Variants in ITPRID2 observed in about 807,000 individuals in gnomAD.
The protein encoded by ITPRID2 is protein ITPRID2.
A neutral mutation model predicts 124.3 loss-of-function variants in ITPRID2; 60 were observed. That is an observed-to-expected ratio of 0.48 (90% CI 0.39 to 0.60). The LOEUF is 0.60. Among genes scored for constraint, ITPRID2 ranks in the 20% least tolerant of loss-of-function variants. The probability of loss-of-function intolerance (pLI) is 0.00; values close to 1 mark genes in which losing one functional copy is unlikely to be tolerated. For synonymous variants in ITPRID2, 521 were observed against 542.9 expected (o/e 0.96, Z 0.56); for missense variants, 1,553 against 1,512.2 (o/e 1.03, Z -0.45).
intron 9 of ITPRID2, among the ~76,000 whole-genome samples, chr2:181,911,073 A>T (rs1333746568): frequency 6.6e-6 from 1 of 152,210 alleles, no homozygotes; most frequent in African/African-American, 2.4e-5. Flanking sequence ...TCCCTGTAGT[A>T]GGAATGATTA....
Position 181,915,274 on chromosome 2 carries a change from C to T in ITPRID2, c.1634C>T (p.Thr545Ile), listed in dbSNP as rs1693938822. The change falls in exon 11 of 18, where the codon ACA becomes ATA. Residue 545 changes from threonine to isoleucine, a missense_variant. Physicochemically the swap from Thr to Ile is moderately conservative, Grantham distance 89 (BLOSUM62 -1). Transcript: ENST00000431877. ...SSADSCDSETTVTSLGEDLAT... is the reference protein window; with the variant it reads ...SSADSCDSETIVTSLGEDLAT... Reference sequence around the variant, plus strand: ...GCTGATAGTTGTGACAGTGAGACAACAGTTACGTCACTTGGTGAAGACCTT... The same window carrying T: ...GCTGATAGTTGTGACAGTGAGACAATAGTTACGTCACTTGGTGAAGACCTT... 2 of 1,614,030 alleles carry T rather than the reference C, an allele frequency of 1.2e-6. No homozygotes were observed. The highest frequency in any genetic ancestry group is 2.2e-5 in the South Asian group (2 of 91,090).
intron 2 of ITPRID2, chr2:181,893,723 G>A (rs917174619): frequency 6.6e-5 from 10 of 152,052 alleles, no homozygotes; most frequent in African/African-American, 2.4e-4. Flanking sequence ...GAAGTCCTTG[G>A]ACCCCAGATT....
At chr2:181,917,035 T>G in intron 11 of ITPRID2, 1 of 980,158 alleles carries the variant, frequency 1.0e-6, no homozygotes, top group Non-Finnish European at 1.2e-6. Flanking sequence ...TAAAATGCTC[T>G]GTATGTCTTG....
chr2:181,892,470 C>A lies in ITPRID2; in HGVS notation c.212-145C>A. On this transcript the variant is annotated intron_variant, in intron 1 of 17. Transcript: ENST00000431877. This position sits in a 1 kb window ranked among gnomAD's most constrained non-coding sequence, Gnocchi z 5.2. ...GTCAACACAGACAACTGGGTGCCAT[C>A]CGATTTCCCTGCCAAGGGACACTGA... 2 of 1,205,944 alleles carry A rather than the reference C, an allele frequency of 1.7e-6. No homozygotes were observed. Among genetic ancestry groups the A allele is most frequent in the Non-Finnish European group, 2.4e-6 (2 of 841,392 alleles). 74.7% of individuals were successfully genotyped at this position (1,205,944 alleles called of 1,614,324 possible).
intron 11 of ITPRID2, chr2:181,916,875 T>A: frequency 1.0e-6 from 1 of 1,000,534 alleles, no homozygotes; most frequent in Non-Finnish European, 1.2e-6. Context: ...CACGTTCTCC[T>A]GGTTCTGCTC....
chr2:181,930,058 T>C lies in ITPRID2; in HGVS notation c.*511T>C, dbSNP rs1353755198. On this transcript the variant is annotated 3_prime_UTR_variant, in exon 18 of 18. Transcript: ENST00000431877. ...TCTGTTGTAAAAAATATAATTGCTC[T>C]TAATTCTTGGGGAGGTTACTAATAG... 6.5e-6 allele frequency: 1 copy of C among 153,604 alleles called. No individual in the cohort carries two copies. The highest frequency in any genetic ancestry group is 1.9e-4 in the East Asian group (1 of 5,222). 9.5% of individuals were successfully genotyped at this position (153,604 alleles called of 1,614,324 possible).
intron 11 of ITPRID2, chr2:181,917,926 C>T (rs569922591): frequency 6.6e-6 from 1 of 152,206 alleles, no homozygotes; most frequent in Non-Finnish European, 1.5e-5. Flanking sequence ...GGACTATAAG[C>T]CACTTTTTTT....
At position 181,916,255 on chromosome 2, in the gene ITPRID2, A is replaced by G. The variant is rs552496550; in HGVS notation, c.2615A>G (p.Asn872Ser). The change falls in exon 11 of 18, where the codon AAC becomes AGC. Residue 872 changes from asparagine to serine, a missense_variant. Coordinates refer to ENST00000431877, the MANE Select transcript of ITPRID2 (RefSeq NM_001130445.3). Reference protein sequence around the residue: ...TRTLSTHSVPNISGATCSAFA... With the variant: ...TRTLSTHSVPSISGATCSAFA... ...ACTCTGAGCACTCACAGTGTTCCCA[A>G]CATATCAGGGGCTACTTGTAGTGCC... 123 of 1,614,142 alleles carry G rather than the reference A, an allele frequency of 7.6e-5. 1 individual carries two copies. The South Asian group carries it at 1.1e-3, about 14-fold the overall frequency.
chr2:181,893,692 A>T (rs934530047), intron 2 of ITPRID2: 1 of 152,236 alleles, frequency 6.6e-6, no homozygotes, highest in East Asian at 1.9e-4. Flanking sequence ...TTAAAGATGC[A>T]CAGAGGCAAA....
At position 181,907,733 on chromosome 2, in the gene ITPRID2, G is replaced by A. The variant is rs578146604; in HGVS notation, c.1414-2166G>A. Reference sequence around the variant, plus strand: ...GTACCCCATCTCAAATTTGACTGCCGCCTTTTGCACAATTGTGACCAATAA... The same window carrying A: ...GTACCCCATCTCAAATTTGACTGCCACCTTTTGCACAATTGTGACCAATAA... On this transcript the variant is annotated intron_variant, in intron 8 of 17. Coordinates refer to ENST00000431877, the MANE Select transcript of ITPRID2 (RefSeq NM_001130445.3). This position sits in a 1 kb window ranked among gnomAD's most constrained non-coding sequence, Gnocchi z 5.1. Among the ~76,000 whole-genome samples the A allele has an allele frequency of 1.4e-4, 21 of 152,078 alleles. No homozygotes were observed. The South Asian group carries it at 3.9e-3, about 29-fold the overall frequency.
Position 181,922,029 on chromosome 2 carries a change from C to T in ITPRID2, c.3292C>T (p.Pro1098Ser), listed in dbSNP as rs1337179705. The T allele has an allele frequency of 5.0e-6, 8 of 1,614,168 alleles. No homozygotes were observed. Among genetic ancestry groups the T allele is most frequent in the Non-Finnish European group, 6.8e-6 (8 of 1,180,030 alleles). The change falls in exon 16 of 18, where the codon CCT becomes TCT. Residue 1098 changes from proline (P) to serine (S), a missense_variant. Pro to Ser is a moderately conservative substitution (Grantham distance 74, BLOSUM62 -1). Coordinates refer to ENST00000431877, the MANE Select transcript of ITPRID2 (RefSeq NM_001130445.3). ...GLGEMGFEIP[P>S]GESSESVFSQ... ...TGGAGAAATGGGATTTGAAATTCCT[C>T]CTGGAGAAAGCTCAGAATCTGTTTT...
rs763603574 is a variant in ITPRID2 at position 181,920,561 on chromosome 2, CACATAT to C, written c.3145-28_3145-23del. 1.7e-4 allele frequency: 251 copies of C among 1,439,796 alleles called. 1 individual carries two copies. Among genetic ancestry groups the C allele is most frequent in the Non-Finnish European group, 2.3e-4 (232 of 1,025,736 alleles). 89.2% of individuals were successfully genotyped at this position (1,439,796 alleles called of 1,614,324 possible). On this transcript the variant is annotated intron_variant, in intron 14 of 17. Transcript: ENST00000431877. ...ATATGCATGTATGTATATATACACA[CACATAT>C]ACATATATATATTGTTCTTACCTTT...
chr2:181,901,479 A>G (rs936085975), intron 7 of ITPRID2, among the ~76,000 whole-genome samples: 2 of 152,194 alleles, frequency 1.3e-5, no homozygotes, highest in African/African-American at 4.8e-5. Flanking sequence ...TCACAACTGT[A>G]GATTCAATAG....
intron 16 of ITPRID2, among the ~76,000 whole-genome samples, chr2:181,924,349 T>C (rs2125112877): frequency 6.6e-6 from 1 of 152,372 alleles, no homozygotes; most frequent in Middle Eastern, 3.4e-3. Context: ...AAATTTAGTT[T>C]GGTTTTTATT....
chr2:181,926,805 T>C (rs911651545), intron 16 of ITPRID2, among the ~76,000 whole-genome samples: 1 of 152,152 alleles, frequency 6.6e-6, no homozygotes, highest in African/African-American at 2.4e-5. Context: ...CATATTGCAT[T>C]GGTAGCAGGA....
At chr2:181,926,012 G>A (rs1020308881) in intron 16 of ITPRID2, among the ~76,000 whole-genome samples, 3 of 152,036 alleles carry the variant, frequency 2.0e-5, no homozygotes, top group African/African-American at 4.8e-5. Flanking sequence ...GGTGGCTCAC[G>A]CCTGTAATCA....
Position 181,916,079 on chromosome 2 carries a change from C to T in ITPRID2, c.2439C>T (p.Pro813=). Reference sequence around the variant, plus strand: ...CATCTGTGAAGAAAGAAGAAGCCCCCCAGAGTGAGGCGCCGCGGGTGGAGG... The same window carrying T: ...CATCTGTGAAGAAAGAAGAAGCCCCTCAGAGTGAGGCGCCGCGGGTGGAGG... ...SPSSVKKEEA[P]QSEAPRVEEC... Residue 813 remains proline (P), a synonymous_variant, in exon 11 of 18, where the codon CCC becomes CCT. Transcript: ENST00000431877. The T allele has an allele frequency of 1.9e-6, 3 of 1,614,174 alleles. No individual in the cohort carries two copies. Among genetic ancestry groups the T allele is most frequent in the Non-Finnish European group, 2.5e-6 (3 of 1,180,028 alleles).
intron 9 of ITPRID2, among the ~76,000 whole-genome samples, chr2:181,912,421 G>A (rs1693676673): frequency 6.6e-6 from 1 of 152,080 alleles, no homozygotes; most frequent in African/African-American, 2.4e-5. Flanking sequence ...GGCTTATCAA[G>A]GATATGGAAT....
rs143944435 is a variant in ITPRID2 at position 181,901,841 on chromosome 2, C to T, written c.788C>T (p.Thr263Met). 28 of 1,613,758 alleles carry T rather than the reference C, an allele frequency of 1.7e-5. No individual in the cohort carries two copies. The highest frequency in any genetic ancestry group is 1.7e-4 in the Middle Eastern group (1 of 6,060). The change falls in exon 8 of 18, where the codon ACG becomes ATG. Residue 263 changes from threonine (T) to methionine (M), a missense_variant. Physicochemically the swap from Thr to Met is moderately conservative, Grantham distance 81. Coordinates refer to ENST00000431877, the MANE Select transcript of ITPRID2 (RefSeq NM_001130445.3). ...FSSLYSQVSG[T>M]PLQRIGSMSS... ...TCTTTATATTCTCAAGTCTCCGGGA[C>T]GCCCCTGCAGAGAATTGGAAGTATG...
Sources: gnomAD v4.1 joint callset for allele counts (sites outside exome capture counted in the v4.1 genomes callset) on GRCh38, gnomAD v4.1.1 for gene constraint, Gnocchi (gnomAD v3.1) non-coding constraint, MANE v1.5 for transcripts, NCBI Gene and HGNC (gene_info 2026-07-23, HGNC 2026-07-21) for gene names.